Variants in KLHL25 observed in about 807,000 individuals in gnomAD.
KLHL25 encodes kelch like family member 25, also known as kelch-like protein 25.
KLHL25 carries 41 observed loss-of-function variants against 30.0 expected under a neutral mutation model. The observed-to-expected ratio is 1.37, with a 90% confidence interval of 1.07 to 1.78. The LOEUF is 1.78. Among genes scored for constraint, KLHL25 ranks in the 40% most tolerant of loss-of-function variants. The probability of loss-of-function intolerance (pLI) is 0.00; values close to 1 mark genes in which losing one functional copy is unlikely to be tolerated. For missense variants in KLHL25, 971 were observed against 824.5 expected (o/e 1.18, Z -2.18); for synonymous variants, 399 against 355.3 (o/e 1.12, Z -1.38).
chr15:85,770,577 G>T, intron 1 of KLHL25: 1 of 532,462 alleles, frequency 1.9e-6, no homozygotes. Flanking sequence ...ACCTAGCTGG[G>T]GCAAGTGATG....
chr15:85,765,388 G>A (rs2089613645), intron 2 of KLHL25, among the ~76,000 whole-genome samples: 2 of 152,036 alleles, frequency 1.3e-5, no homozygotes, highest in Admixed American at 1.3e-4. Flanking sequence ...CACTTTGGAA[G>A]GCCGAGGCGG....
chr15:85,789,035 T>C lies in KLHL25; in HGVS notation c.-11+5731A>G, dbSNP rs1434251168. Among the ~76,000 whole-genome samples the C allele has an allele frequency of 6.6e-6, 1 of 152,246 alleles. No homozygotes were observed. The highest frequency in any genetic ancestry group is 1.5e-5 in the Non-Finnish European group (1 of 68,042). ...GTCCTGGAGTTTGAATGAGCACAGC[T>C]TCTCCTTATCTTAATTAGGAAATTA... On this transcript the variant is annotated intron_variant, in intron 1 of 2. Transcript: ENST00000337975. The surrounding 1 kb of genome is among the most constrained non-coding windows in gnomAD (Gnocchi z 4.1).
chr15:85,778,444 T>C (rs1361466800), intron 1 of KLHL25, among the ~76,000 whole-genome samples: 1 of 152,258 alleles, frequency 6.6e-6, no homozygotes, highest in Non-Finnish European at 1.5e-5. Flanking sequence ...CTTAGTATCA[T>C]ATGCTGGGCA....
chr15:85,780,726 A>C (rs1285357545), intron 1 of KLHL25, among the ~76,000 whole-genome samples: 2 of 152,190 alleles, frequency 1.3e-5, no homozygotes, highest in African/African-American at 2.4e-5. Flanking sequence ...TCAATTCCCA[A>C]AGCCCAAGAC....
intron 2 of KLHL25, among the ~76,000 whole-genome samples, chr15:85,765,674 A>G (rs1567237403): frequency 6.6e-6 from 1 of 151,400 alleles, no homozygotes; most frequent in Non-Finnish European, 1.5e-5. Context: ...AAGCTGTAAA[A>G]GAAAAAAGCA....
chr15:85,792,571 A>T (rs1298347849), intron 1 of KLHL25, among the ~76,000 whole-genome samples: 1 of 152,116 alleles, frequency 6.6e-6, no homozygotes, highest in Non-Finnish European at 1.5e-5. Flanking sequence ...TCCAGAAGCC[A>T]TCCAGCTTCC....
chr15:85,794,280 C>A (rs904590695), intron 1 of KLHL25, among the ~76,000 whole-genome samples: 1 of 152,226 alleles, frequency 6.6e-6, no homozygotes, highest in South Asian at 2.1e-4. Context: ...CGGCCAGGCC[C>A]GCGCAAACCC....
intron 1 of KLHL25, among the ~76,000 whole-genome samples, chr15:85,780,275 C>T (rs1028127945): frequency 6.6e-6 from 1 of 152,232 alleles, no homozygotes; most frequent in Non-Finnish European, 1.5e-5. Flanking sequence ...GAACTCAGCA[C>T]TCAGGTTCAC....
At chr15:85,785,098 T>C (rs2089772304) in intron 1 of KLHL25, among the ~76,000 whole-genome samples, 1 of 150,426 alleles carries the variant, frequency 6.6e-6, no homozygotes, top group Admixed American at 6.6e-5. Flanking sequence ...TTTTTTCTTT[T>C]TTTTTTTTTT....
intron 1 of KLHL25, among the ~76,000 whole-genome samples, chr15:85,787,935 G>A (rs1176358483): frequency 1.3e-4 from 19 of 151,360 alleles, no homozygotes; most frequent in Non-Finnish European, 1.3e-4. Flanking sequence ...GGTGGCTTGC[G>A]CCTGTAATCC....
In KLHL25 at chr15:85,768,436, C is replaced by A. The variant is rs1206016054; in HGVS notation, c.1375G>T (p.Val459Leu). 6.2e-7 allele frequency: 1 copy of A among 1,613,428 alleles called. No individual in the cohort carries two copies. The highest frequency in any genetic ancestry group is 1.7e-5 in the Admixed American group (1 of 60,026). The change falls in exon 2 of 3, where the codon GTG (valine) becomes TTG (leucine). Residue 459 changes from valine to leucine, a missense_variant. Val to Leu is a conservative substitution (Grantham distance 32). Transcript: ENST00000337975. Reference sequence around the variant, plus strand: ...GGGTCATAGCACTGGACCTTGGACACCATGTCCCGGTGGATGCTGGTTCCT... The same window carrying A: ...GGGTCATAGCACTGGACCTTGGACAACATGTCCCGGTGGATGCTGGTTCCT... ...FGGTSIHRDMVSKVQCYDPSE... is the reference protein window; with the variant it reads ...FGGTSIHRDMLSKVQCYDPSE...
At chr15:85,771,223 A>T (rs2089669720) in intron 1 of KLHL25, 1 of 152,810 alleles carries the variant, frequency 6.5e-6, no homozygotes, top group African/African-American at 2.4e-5. Flanking sequence ...AAAAAGAAAG[A>T]AAAGAAAACA....
In KLHL25 at chr15:85,768,154, T is replaced by C. The variant is rs775035071; in HGVS notation, c.1657A>G (p.Lys553Glu). 8 of 1,614,074 alleles carry C rather than the reference T, an allele frequency of 5.0e-6. No homozygotes were observed. The highest frequency in any genetic ancestry group is 2.7e-5 in the African/African-American group (2 of 74,934). ...VGGYFGTQRC[K>E]TLDCYDPTSD... is the part of the protein sequence containing the mutation. ...GTGGGGTCATAGCAGTCCAGAGTCT[T>C]ACACCTCTGGGTCCCAAAGTAGCCC... The change falls in exon 2 of 3, where the codon AAG becomes GAG. Residue 553 changes from lysine (K) to glutamate (E), a missense_variant. Coordinates refer to ENST00000337975, the MANE Select transcript of KLHL25 (RefSeq NM_022480.4).
chr15:85,784,321 G>T (rs1295593660), intron 1 of KLHL25, among the ~76,000 whole-genome samples: 1 of 152,146 alleles, frequency 6.6e-6, no homozygotes, highest in African/African-American at 2.4e-5. Flanking sequence ...CGGAGGTCAG[G>T]AGTTCGAGAC....
chr15:85,764,336 C>T (rs1465963972), intron 2 of KLHL25: 2 of 152,478 alleles, frequency 1.3e-5, no homozygotes, highest in African/African-American at 4.8e-5. Flanking sequence ...ATTGGGGTGG[C>T]CTCAGGCTGA....
At chr15:85,765,635 AGAAG>A (rs771958364) in intron 2 of KLHL25, among the ~76,000 whole-genome samples, 97 of 62,430 alleles carry the variant, frequency 1.6e-3, no homozygotes, top group Middle Eastern at 0.012. Flanking sequence ...AAAAAAAAAA[AGAAG>A]AAGAAGAAGA....
At chr15:85,788,478 T>C (rs1243354011) in intron 1 of KLHL25, among the ~76,000 whole-genome samples, 1 of 152,112 alleles carries the variant, frequency 6.6e-6, no homozygotes, top group Non-Finnish European at 1.5e-5. Flanking sequence ...GACCTTGCCT[T>C]GTTCTCCACT....
At chr15:85,786,956 G>C (rs992101531) in intron 1 of KLHL25, among the ~76,000 whole-genome samples, 4 of 152,208 alleles carry the variant, frequency 2.6e-5, no homozygotes, top group African/African-American at 9.7e-5. Context: ...TCATTTCACA[G>C]ATGAGTACCC....
At chr15:85,781,308 G>A (rs2089741616) in intron 1 of KLHL25, among the ~76,000 whole-genome samples, 3 of 152,136 alleles carry the variant, frequency 2.0e-5, no homozygotes, top group African/African-American at 4.8e-5. Context: ...ATCAGGCATC[G>A]GCCATTTGGA....
Sources: gnomAD v4.1 joint callset for allele counts (sites outside exome capture counted in the v4.1 genomes callset) on GRCh38, gnomAD v4.1.1 for gene constraint, Gnocchi (gnomAD v3.1) non-coding constraint, MANE v1.5 for transcripts, NCBI Gene and HGNC (gene_info 2026-07-23, HGNC 2026-07-21) for gene names.